RGS6: variants seen among roughly 807,000 people sequenced by gnomAD.
RGS6 encodes regulator of G protein signaling 6.
A neutral mutation model predicts 78.5 loss-of-function variants in RGS6; 30 were observed. The ratio of observed to expected loss-of-function variants is 0.38; its 90% CI spans 0.29 to 0.52. The LOEUF is 0.52. RGS6 is among the 20% of genes least tolerant of loss of function. The pLI, the probability that RGS6 is intolerant of heterozygous loss-of-function variation, is 0.85. For missense variants in RGS6, 495 were observed against 609.7 expected, an observed-to-expected ratio of 0.81 and a Z score of 1.98; for synonymous variants, 206 against 206.0, an observed-to-expected ratio of 1.00 and a Z score of 0.00.
intron 2 of RGS6, among the ~76,000 whole-genome samples, chr14:72,116,963 C>CAAA (rs56397216): frequency 1.5e-3 from 114 of 78,286 alleles, no homozygotes; most frequent in Non-Finnish European, 2.2e-3. Context: ...GACTCCATCT[C>CAAA]AAAAAAAAAA....
rs1255110805 is a variant in RGS6, at chr14:72,183,051, C to G, written c.85-169044C>G. On this transcript the variant is annotated intron_variant, in intron 2 of 17. Coordinates refer to ENST00000553525, the MANE Select transcript of RGS6 (RefSeq NM_001204424.2). ...GATAGAGACCACATGAAAGTAGATG[C>G]TTATGCAGATGTGACTTTTGAAATA... 3.3e-5 allele frequency among the ~76,000 whole-genome samples: 5 copies of G among 152,304 alleles called. No individual in the cohort carries two copies. In the East Asian group the frequency reaches 9.6e-4, roughly 29 times the overall value.
intron 2 of RGS6, among the ~76,000 whole-genome samples, chr14:71,975,251 C>G (rs2094048012): frequency 6.6e-6 from 1 of 152,194 alleles, no homozygotes; most frequent in South Asian, 2.1e-4. Flanking sequence ...TTTATCATAA[C>G]TGTCATTGTC....
intron 2 of RGS6, among the ~76,000 whole-genome samples, chr14:72,046,210 T>G (rs1230360085): frequency 6.6e-6 from 1 of 151,746 alleles, no homozygotes; most frequent in Non-Finnish European, 1.5e-5. Context: ...TTGGGTTTTT[T>G]TTTTTTTTTT....
chr14:72,174,940 C>G (rs962239041), intron 2 of RGS6, among the ~76,000 whole-genome samples: 2 of 152,160 alleles, frequency 1.3e-5, no homozygotes, highest in Admixed American at 6.5e-5. Context: ...AGTTGCTGCA[C>G]AGGAAGGAAA....
At chr14:71,969,462 TG>T (rs998816091) in intron 2 of RGS6, among the ~76,000 whole-genome samples, 34 of 152,166 alleles carry the variant, frequency 2.2e-4, no homozygotes, top group African/African-American at 8.2e-4. Flanking sequence ...CATCACACTC[TG>T]GATGTCTTCT....
intron 3 of RGS6, among the ~76,000 whole-genome samples, chr14:72,399,018 T>G (rs2091947867): frequency 1.3e-5 from 2 of 152,018 alleles, no homozygotes; most frequent in Admixed American, 6.5e-5. Flanking sequence ...CTGAAAAGAA[T>G]GTATATTCTG....
chr14:72,055,524 C>T (rs775201197), intron 2 of RGS6, among the ~76,000 whole-genome samples: 4 of 152,142 alleles, frequency 2.6e-5, no homozygotes, highest in East Asian at 1.9e-4. Flanking sequence ...TTCTCACCCT[C>T]GCTAGAAATA....
intron 12 of RGS6, among the ~76,000 whole-genome samples, chr14:72,482,558 T>G (rs537447487): frequency 3.0e-4 from 46 of 152,228 alleles, no homozygotes; most frequent in Non-Finnish European, 5.4e-4. Context: ...GGCTATGGGT[T>G]GGCGAGGCAG....
chr14:72,378,012 T>C (rs1350631108), intron 3 of RGS6, among the ~76,000 whole-genome samples: 2 of 152,090 alleles, frequency 1.3e-5, no homozygotes, highest in African/African-American at 2.4e-5. Flanking sequence ...TTATCAAGTA[T>C]TTAATCTGAC....
chr14:72,441,940 G>A (rs776173753), intron 3 of RGS6, among the ~76,000 whole-genome samples: 7 of 152,176 alleles, frequency 4.6e-5, no homozygotes, highest in Non-Finnish European at 8.8e-5. Flanking sequence ...CCAGCTACCC[G>A]AGGCAGCCTG....
intron 17 of RGS6, among the ~76,000 whole-genome samples, chr14:72,558,282 G>A (rs2097613580): frequency 6.6e-6 from 1 of 152,144 alleles, no homozygotes. Context: ...AAGCTCAGAT[G>A]TCTTTACTCT....
At chr14:72,387,573 A>G (rs573170648) in intron 3 of RGS6, among the ~76,000 whole-genome samples, 1 of 151,898 alleles carries the variant, frequency 6.6e-6, no homozygotes, top group African/African-American at 2.4e-5. Context: ...AAGGAGAGGG[A>G]TATTTGAGAT....
At chr14:72,338,485 G>C (rs72724044) in intron 2 of RGS6, among the ~76,000 whole-genome samples, 1 of 152,094 alleles carries the variant, frequency 6.6e-6, no homozygotes, top group Admixed American at 6.5e-5. Flanking sequence ...AGGTCCTCCC[G>C]TAACATGTGG....
the RGS6 span, among the ~76,000 whole-genome samples, chr14:71,880,821 G>T: frequency 1.3e-5 from 2 of 152,222 alleles, no homozygotes; most frequent in African/African-American, 2.4e-5. Flanking sequence ...CCCCACTGGG[G>T]TGTTGCCTAG....
At chr14:72,073,982 A>G (rs1000806662) in intron 2 of RGS6, among the ~76,000 whole-genome samples, 1 of 152,012 alleles carries the variant, frequency 6.6e-6, no homozygotes, top group African/African-American at 2.4e-5. Context: ...GCTTTGTTTA[A>G]TTTTTTTCTC....
intron 3 of RGS6, among the ~76,000 whole-genome samples, chr14:72,363,308 A>G (rs1458984005): frequency 6.6e-6 from 1 of 152,208 alleles, no homozygotes; most frequent in Non-Finnish European, 1.5e-5. Context: ...TGGAGTCTAG[A>G]TGAGGGAATG....
intron 2 of RGS6, among the ~76,000 whole-genome samples, chr14:72,095,304 A>G (rs1335252818): frequency 6.6e-6 from 1 of 152,130 alleles, no homozygotes; most frequent in Non-Finnish European, 1.5e-5. Context: ...TCTTTTTCTC[A>G]CATGACACAG....
intron 6 of RGS6, among the ~76,000 whole-genome samples, chr14:72,461,935 T>G (rs143157790): frequency 6.6e-6 from 1 of 152,270 alleles, no homozygotes; most frequent in East Asian, 1.9e-4. Context: ...CATGTAAGGT[T>G]CTCTGAGTTA....
At chr14:72,345,966 C>T (rs948668890) in intron 2 of RGS6, among the ~76,000 whole-genome samples, 1 of 152,326 alleles carries the variant, frequency 6.6e-6, no homozygotes, top group Admixed American at 6.5e-5. Context: ...GCTCTGATTT[C>T]TGCCTCTGGG....
Sources: gnomAD v4.1 joint callset for allele counts (sites outside exome capture counted in the v4.1 genomes callset) on GRCh38, gnomAD v4.1.1 for gene constraint, MANE v1.5 for transcripts, NCBI Gene and HGNC (gene_info 2026-07-23, HGNC 2026-07-21) for gene names.